The following PRICKLE2 variants were observed in gnomAD, a reference collection of about 807,000 sequenced individuals.
The protein encoded by PRICKLE2 is prickle-like protein 2.
PRICKLE2 carries 21 observed loss-of-function variants against 81.4 expected under a neutral mutation model. The ratio of observed to expected loss-of-function variants is 0.26; its 90% CI spans 0.18 to 0.37. The LOEUF is 0.37. Ranked by LOEUF, PRICKLE2 falls within the 10% of genes least tolerant of loss-of-function variation. The probability of loss-of-function intolerance (pLI) is 1.00; values close to 1 mark genes in which losing one functional copy is unlikely to be tolerated. For synonymous variants in PRICKLE2, 456 were observed against 421.5 expected, an observed-to-expected ratio of 1.08 and a Z score of -1.00; for missense variants, 940 against 1,109.0, an observed-to-expected ratio of 0.85 and a Z score of 2.16.
chr3:64,114,147 G>A (rs2076897317), intron 7 of PRICKLE2, among the ~76,000 whole-genome samples: 1 of 151,100 alleles, frequency 6.6e-6, no homozygotes, highest in Non-Finnish European at 1.5e-5. Context: ...CCAGTCAGCT[G>A]AATCCATCTC....
chr3:64,095,083 T>A lies in PRICKLE2; in HGVS notation c.*3968A>T, dbSNP rs1280080286. 6.6e-6 allele frequency: 1 copy of A among 152,634 alleles called. No homozygotes were observed. The highest frequency in any genetic ancestry group is 1.5e-5 in the Non-Finnish European group (1 of 68,046). The allele number at this position is 152,634 out of a possible 1,614,324, so 9.5% of individuals were successfully genotyped here. A position where few individuals can be genotyped will look rare whatever the true frequency, so the allele number is the denominator to read the frequency against. On this transcript the variant is annotated 3_prime_UTR_variant, in exon 8 of 8. Coordinates refer to ENST00000638394, the MANE Select transcript of PRICKLE2 (RefSeq NM_198859.4). ...TTGGAATTTAAATATTTATTTATTT[T>A]TTGTTAGAAGGTGGGATTACATGAA... is the stretch of plus-strand genomic sequence containing the variant.
At chr3:64,132,604 T>C (rs1051859645) in intron 7 of PRICKLE2, among the ~76,000 whole-genome samples, 3 of 152,268 alleles carry the variant, frequency 2.0e-5, no homozygotes, top group African/African-American at 7.2e-5. Context: ...TCAATAAATA[T>C]TTGTTGAAAA....
At chr3:64,244,344 G>A (rs1025938008) in intron 2 of PRICKLE2, among the ~76,000 whole-genome samples, 1 of 152,114 alleles carries the variant, frequency 6.6e-6, no homozygotes, top group African/African-American at 2.4e-5. Flanking sequence ...TTTGTGTCTT[G>A]TCATTTTCAG....
At chr3:64,254,352 T>A (rs898771199) in intron 2 of PRICKLE2, among the ~76,000 whole-genome samples, 1 of 152,108 alleles carries the variant, frequency 6.6e-6, no homozygotes, top group Admixed American at 6.5e-5. Context: ...CAAAACTCAG[T>A]GCAACTCAGC....
In PRICKLE2 at chr3:64,147,764, G is replaced by C; in HGVS notation, c.788-62C>G. 1 of 1,569,914 alleles carries C rather than the reference G, an allele frequency of 6.4e-7. No individual in the cohort carries two copies. Among genetic ancestry groups the C allele is most frequent in the Non-Finnish European group, 8.8e-7 (1 of 1,141,660 alleles). On this transcript the variant is annotated intron_variant, in intron 6 of 7. Transcript: ENST00000638394. The surrounding 1 kb of genome is among the most constrained non-coding windows in gnomAD (Gnocchi z 5.0). ...TGCTCAGAGCTCTGCACTGGGACGT[G>C]AAACACATAGCACCTTGGTTTGTCT...
Position 64,099,249 on chromosome 3 carries a change from G to T in PRICKLE2, c.2337C>A (p.Ser779=). ...CCTCGTTGTCAGACTCTGAAGAGGAGGAGCAGGTGGAACACCAATCATACT... is the reference window on the plus strand; with the variant it reads ...CCTCGTTGTCAGACTCTGAAGAGGATGAGCAGGTGGAACACCAATCATACT... ...FAEYDWCSTC[S]SSSESDNEGY... The change falls in exon 8 of 8, where the codon TCC becomes TCA. Residue 779 remains serine (S), a synonymous_variant. Coordinates refer to ENST00000638394, the MANE Select transcript of PRICKLE2 (RefSeq NM_198859.4). This position sits in a 1 kb window ranked among gnomAD's most constrained non-coding sequence, Gnocchi z 4.3. The T allele has an allele frequency of 6.2e-7, 1 of 1,614,212 alleles. No individual in the cohort carries two copies. Among genetic ancestry groups the T allele is most frequent in the Non-Finnish European group, 8.5e-7 (1 of 1,180,046 alleles).
chr3:64,221,122 C>CT (rs2078945104), intron 1 of PRICKLE2, among the ~76,000 whole-genome samples: 1 of 152,056 alleles, frequency 6.6e-6, no homozygotes, highest in South Asian at 2.1e-4. Context: ...CAGCTTTGCA[C>CT]TTTCGTGGTG....
At chr3:64,188,216 T>A (rs771603243) in intron 2 of PRICKLE2, among the ~76,000 whole-genome samples, 13 of 152,204 alleles carry the variant, frequency 8.5e-5, no homozygotes, top group Non-Finnish European at 1.8e-4. Flanking sequence ...CTTACAAAGA[T>A]GAATTCACTT....
Position 64,198,983 on chromosome 3 carries a change from G to A in PRICKLE2, c.-40-16C>T, listed in dbSNP as rs1393157002. On this transcript the variant is annotated splice_polypyrimidine_tract_variant and intron_variant, in intron 1 of 7. Transcript: ENST00000638394. ...GCAGATCTTCCTGCAGGCAGTAAAG[G>A]TAGAAGGTGAGAAAGAGGAAAAAAC... 1 of 1,612,868 alleles carries A rather than the reference G, an allele frequency of 6.2e-7. No individual in the cohort carries two copies. The highest frequency in any genetic ancestry group is 1.7e-5 in the Admixed American group (1 of 60,014).
At chr3:64,194,867 C>T (rs536831329) in intron 2 of PRICKLE2, among the ~76,000 whole-genome samples, 5 of 151,962 alleles carry the variant, frequency 3.3e-5, no homozygotes, top group East Asian at 2.0e-4. Context: ...CATAGTGAGA[C>T]CCCCTTCTGT....
chr3:64,109,579 C>A (rs1207163806), intron 7 of PRICKLE2, among the ~76,000 whole-genome samples: 4 of 152,138 alleles, frequency 2.6e-5, no homozygotes. Flanking sequence ...GGAGGCCAAG[C>A]CCTGGGGCAG....
chr3:64,146,831 T>C lies in PRICKLE2; in HGVS notation c.1659A>G (p.Thr553=). The C allele has an allele frequency of 6.2e-7, 1 of 1,614,038 alleles. No homozygotes were observed. The highest frequency in any genetic ancestry group is 1.1e-5 in the South Asian group (1 of 91,068). The change falls in exon 7 of 8, where the codon ACA becomes ACG. Residue 553 remains threonine, a splice_region_variant and synonymous_variant. Coordinates refer to ENST00000638394, the MANE Select transcript of PRICKLE2 (RefSeq NM_198859.4). ...GTTTTCAAGGTGAACAGAACCTACC[T>C]GTTGCATTAGACAGGGCCAGGGATT... ...SMESLALSNA[T]GLSADGGAKR... is the part of the protein sequence containing the mutation.
chr3:64,238,446 C>T (rs2079214131), intron 2 of PRICKLE2, among the ~76,000 whole-genome samples: 1 of 147,714 alleles, frequency 6.8e-6, no homozygotes, highest in Non-Finnish European at 1.5e-5. Flanking sequence ...GAGATCACGC[C>T]ACTGCATTCC....
intron 7 of PRICKLE2, among the ~76,000 whole-genome samples, chr3:64,145,036 T>C (rs2077423367): frequency 6.6e-6 from 1 of 151,806 alleles, no homozygotes; most frequent in South Asian, 2.1e-4. Flanking sequence ...TTACTCTATT[T>C]TTTCCCACAT....
At chr3:64,128,642 A>T (rs887896632) in intron 7 of PRICKLE2, among the ~76,000 whole-genome samples, 1 of 149,866 alleles carries the variant, frequency 6.7e-6, no homozygotes, top group Non-Finnish European at 1.5e-5. Context: ...GCTACTCAGG[A>T]GGCTGAGGCA....
At chr3:64,220,609 A>G (rs1303697329) in intron 1 of PRICKLE2, among the ~76,000 whole-genome samples, 1 of 152,194 alleles carries the variant, frequency 6.6e-6, no homozygotes, top group African/African-American at 2.4e-5. Context: ...GGGAGCTATC[A>G]GAGAACCCCC....
At chr3:64,115,470 C>T (rs984994258) in intron 7 of PRICKLE2, among the ~76,000 whole-genome samples, 4 of 152,108 alleles carry the variant, frequency 2.6e-5, no homozygotes, top group Non-Finnish European at 4.4e-5. Context: ...CCCATGCAGA[C>T]ACACACAGGC....
intron 2 of PRICKLE2, among the ~76,000 whole-genome samples, chr3:64,253,328 G>T (rs1023480684): frequency 2.0e-5 from 3 of 152,102 alleles, no homozygotes; most frequent in Non-Finnish European, 4.4e-5. Context: ...GCTGAAACTG[G>T]AACTGATGTT....
chr3:64,129,082 A>G (rs759063025), intron 7 of PRICKLE2, among the ~76,000 whole-genome samples: 6 of 152,196 alleles, frequency 3.9e-5, no homozygotes, highest in Non-Finnish European at 8.8e-5. Flanking sequence ...AACAATGTCT[A>G]CAGATACTGT....
Sources: gnomAD v4.1 joint callset for allele counts (sites outside exome capture counted in the v4.1 genomes callset) on GRCh38, gnomAD v4.1.1 for gene constraint, Gnocchi (gnomAD v3.1) non-coding constraint, MANE v1.5 for transcripts, NCBI Gene and HGNC (gene_info 2026-07-23, HGNC 2026-07-21) for gene names.